Variants in LRP1B observed in about 807,000 individuals in gnomAD.
LRP1B encodes LDL receptor related protein 1B, also known as low-density lipoprotein receptor-related protein 1B.
In LRP1B, 217 loss-of-function variants were observed where a neutral mutation model predicts 556.6. That is an observed-to-expected ratio of 0.39 (90% CI 0.35 to 0.44). The LOEUF is 0.44. Ranked by LOEUF, LRP1B falls within the 20% of genes least tolerant of loss-of-function variation. The pLI is 1.00. For missense variants in LRP1B, 5,053 were observed against 5,620.8 expected (o/e 0.90, Z 3.23); for synonymous variants, 2,047 against 1,865.8 (o/e 1.10, Z -2.50).
chr2:141,840,220 C>T (rs352987), intron 1 of LRP1B, among the ~76,000 whole-genome samples: 82,056 of 148,696 alleles, frequency 0.55, 22,973 homozygotes, highest in Middle Eastern at 0.66. Context: ...CCCATAGAAA[C>T]CCTAGGTCAT....
chr2:140,539,259 TA>T (rs1231954896), intron 45 of LRP1B, among the ~76,000 whole-genome samples: 1 of 152,070 alleles, frequency 6.6e-6, no homozygotes, highest in Admixed American at 6.6e-5. Flanking sequence ...CCACTCTGGG[TA>T]AAATCACTTA....
At chr2:140,568,744 G>T (rs1286674897) in intron 43 of LRP1B, among the ~76,000 whole-genome samples, 1 of 152,048 alleles carries the variant, frequency 6.6e-6, no homozygotes. Flanking sequence ...ACAGTGTAAA[G>T]TCATATATAA....
In LRP1B at chr2:141,871,191, A is replaced by T. The variant is rs543662905; in HGVS notation, c.83-60790T>A. Reference sequence around the variant, plus strand: ...ACTTGACCTCCTCTGAGGTTTACTGAACATGTGATTAGCTTCTTGCACTGT... The same window carrying T: ...ACTTGACCTCCTCTGAGGTTTACTGTACATGTGATTAGCTTCTTGCACTGT... On this transcript the variant is annotated intron_variant, in intron 1 of 90. Transcript: ENST00000389484. Among the ~76,000 whole-genome samples the T allele has an allele frequency of 2.0e-5, 3 of 152,116 alleles. No individual in the cohort carries two copies. The South Asian group carries it at 6.2e-4, about 31-fold the overall frequency.
chr2:141,697,836 C>CACAGTACATCAGCAGGAGGAAGGT (rs1691785063), intron 2 of LRP1B, among the ~76,000 whole-genome samples: 1 of 151,934 alleles, frequency 6.6e-6, no homozygotes, highest in Non-Finnish European at 1.5e-5. Flanking sequence ...TGGTAAAACC[C>CACAGTACATCAGCAGGAGGAAGGT]ACAGTACATC....
At chr2:141,944,718 C>A (rs1259414516) in intron 1 of LRP1B, among the ~76,000 whole-genome samples, 1 of 151,992 alleles carries the variant, frequency 6.6e-6, no homozygotes, top group South Asian at 2.1e-4. Context: ...AGCAGAATGA[C>A]CAGGACTAAA....
intron 7 of LRP1B, among the ~76,000 whole-genome samples, chr2:141,144,625 C>A (rs185345937): frequency 6.6e-6 from 1 of 152,112 alleles, no homozygotes; most frequent in South Asian, 2.1e-4. Context: ...ACCCTTCATA[C>A]GCTAGAAGAT....
At chr2:140,696,953 T>C (rs1192867898) in intron 41 of LRP1B, among the ~76,000 whole-genome samples, 1 of 152,198 alleles carries the variant, frequency 6.6e-6, no homozygotes, top group Non-Finnish European at 1.5e-5. Flanking sequence ...TTATATATTC[T>C]TTAGATACAC....
chr2:140,620,218 G>A (rs368927088), intron 41 of LRP1B, among the ~76,000 whole-genome samples: 10 of 152,264 alleles, frequency 6.6e-5, no homozygotes, highest in African/African-American at 2.2e-4. Flanking sequence ...CAAGGCCATT[G>A]TCCACTCCAA....
At chr2:141,236,867 C>T (rs780339748) in intron 5 of LRP1B, among the ~76,000 whole-genome samples, 1 of 152,122 alleles carries the variant, frequency 6.6e-6, no homozygotes, top group Non-Finnish European at 1.5e-5. Context: ...CCAGATAATT[C>T]TCAGAGATTT....
rs113040146 is a variant in LRP1B at position 141,644,341 on chromosome 2, C to T, written c.206-163808G>A. ...ATGGCTTTAAAAATAGGAGTTTCCT[C>T]GCATAAGATCTCTCTCTTGCTGCCC... On this transcript the variant is annotated intron_variant, in intron 2 of 90. Coordinates refer to ENST00000389484, the MANE Select transcript of LRP1B (RefSeq NM_018557.3). Among the ~76,000 whole-genome samples the T allele has an allele frequency of 1.7e-3, 255 of 152,054 alleles. 1 individual carries two copies. Among genetic ancestry groups the T allele is most frequent in the African/African-American group, 5.9e-3 (244 of 41,490 alleles).
At chr2:141,187,446 T>G (rs1681311087) in intron 7 of LRP1B, among the ~76,000 whole-genome samples, 1 of 152,078 alleles carries the variant, frequency 6.6e-6, no homozygotes, top group South Asian at 2.1e-4. Context: ...CCATCAGACA[T>G]TTCAGCCTGA....
chr2:140,999,911 T>C (rs1697363865), intron 15 of LRP1B, among the ~76,000 whole-genome samples: 1 of 151,912 alleles, frequency 6.6e-6, no homozygotes, highest in African/African-American at 2.4e-5. Flanking sequence ...ACTATTTACT[T>C]ATGTATTTAT....
chr2:140,654,863 C>T (rs192138986), intron 41 of LRP1B, among the ~76,000 whole-genome samples: 24 of 152,290 alleles, frequency 1.6e-4, no homozygotes, highest in Admixed American at 4.6e-4. Context: ...CAACTCTATG[C>T]TAGTTTGTCA....
At chr2:140,959,418 A>G (rs1695969395) in intron 18 of LRP1B, among the ~76,000 whole-genome samples, 2 of 151,676 alleles carry the variant, frequency 1.3e-5, no homozygotes, top group African/African-American at 4.8e-5. Context: ...AAATCTTCCA[A>G]GTCAAAGAAT....
At chr2:141,654,387 G>T (rs1381730287) in intron 2 of LRP1B, among the ~76,000 whole-genome samples, 1 of 152,136 alleles carries the variant, frequency 6.6e-6, no homozygotes, top group Non-Finnish European at 1.5e-5. Flanking sequence ...GGGCTCCTTT[G>T]GTTGAATGGT....
At chr2:141,471,083 A>C (rs1682444726) in intron 3 of LRP1B, among the ~76,000 whole-genome samples, 2 of 152,184 alleles carry the variant, frequency 1.3e-5, no homozygotes, top group Admixed American at 1.3e-4. Context: ...TCTGGAGTTG[A>C]TCAATGTGAG....
rs143760434 is a variant in LRP1B, at chr2:142,056,463, G to A, written c.82+74185C>T. Among the ~76,000 whole-genome samples, 8 of 152,214 alleles carry A rather than the reference G, an allele frequency of 5.3e-5. No individual in the cohort carries two copies. The East Asian group carries it at 1.6e-3, about 30-fold the overall frequency. Reference sequence around the variant, plus strand: ...TTTTTATCATTAAAATTTGGAAAGAGCATGGATGGCATAATAGGAAGGGAG... The same window carrying A: ...TTTTTATCATTAAAATTTGGAAAGAACATGGATGGCATAATAGGAAGGGAG... On this transcript the variant is annotated intron_variant, in intron 1 of 90. Transcript: ENST00000389484.
chr2:140,770,984 GT>G lies in LRP1B; in HGVS notation c.5522del (p.Asn1841ThrfsTer37). ...AACAAAGTTGAGAGCATCCACCATT[GT>G]TTAGTTGGCAGGAATTGCTGCCTGC... ...AQQGSNSCQL[N>X]NGGCSQLCLP... On this transcript the variant is annotated frameshift_variant, in exon 34 of 91. Coordinates refer to ENST00000389484, the MANE Select transcript of LRP1B (RefSeq NM_018557.3). LOFTEE classifies it high-confidence loss of function. 6.3e-7 allele frequency: 1 copy of G among 1,579,682 alleles called. No individual in the cohort carries two copies. The highest frequency in any genetic ancestry group is 1.9e-5 in the Admixed American group (1 of 52,652).
rs138710668 is a variant in LRP1B at position 141,119,716 on chromosome 2, T to TTGTGTGTGTG, written c.1014-57453_1014-57444dup. On this transcript the variant is annotated intron_variant, in intron 7 of 90. Coordinates refer to ENST00000389484, the MANE Select transcript of LRP1B (RefSeq NM_018557.3). ...ATCCTTCGATGTTAAACCCAAGAGG[T>TTGTGTGTGTG]TGTGTGTGTGTGTGTGTGTGTCTGT... 2.2e-3 allele frequency among the ~76,000 whole-genome samples: 333 copies of TTGTGTGTGTG among 149,500 alleles called. 2 individuals carry two copies. The highest frequency in any genetic ancestry group is 9.5e-3 in the South Asian group (45 of 4,736).
Sources: allele counts gnomAD v4.1 joint callset (sites outside exome capture counted in the v4.1 genomes callset), GRCh38; gene constraint gnomAD v4.1.1; transcripts MANE v1.5; gene names NCBI Gene and HGNC (gene_info 2026-07-23, HGNC 2026-07-21).